PGD: variants seen among roughly 807,000 people sequenced by gnomAD.
PGD encodes 6-phosphogluconate dehydrogenase, decarboxylating.
PGD carries 21 observed loss-of-function variants against 60.4 expected under a neutral mutation model. The ratio of observed to expected loss-of-function variants is 0.35; its 90% CI spans 0.25 to 0.50. The LOEUF (loss-of-function observed/expected upper bound fraction) is 0.50. Among genes scored for constraint, PGD ranks in the 20% least tolerant of loss-of-function variants. PGD has a pLI of 0.98. For missense variants in PGD, 477 were observed against 613.1 expected, an observed-to-expected ratio of 0.78 and a Z score of 2.34; for synonymous variants, 230 against 235.9, an observed-to-expected ratio of 0.97 and a Z score of 0.23.
At position 10,416,983 on chromosome 1, in the gene PGD, G is replaced by A. The variant is rs758438744; in HGVS notation, c.845-4G>A. On this transcript the variant is annotated splice_region_variant and splice_polypyrimidine_tract_variant and intron_variant, in intron 8 of 12. Transcript: ENST00000270776. ...TGTTTCCTCTTCCCGATCTCCCCAT[G>A]TAGGAGAAGCTGTCTTTGCTCGGTG... 6.2e-6 allele frequency: 10 copies of A among 1,612,948 alleles called. No homozygotes were observed. The highest frequency in any genetic ancestry group is 8.5e-6 in the Non-Finnish European group (10 of 1,179,160).
In PGD at chr1:10,405,336, A is replaced by G. The variant is rs189325037; in HGVS notation, c.449+1057A>G. On this transcript the variant is annotated intron_variant, in intron 5 of 12. Transcript: ENST00000270776. ...TAGTGAGCCGAGATCGCGCCACTGC[A>G]CTTCACCCTGGCGACAGAGTGAGAG... is the stretch of plus-strand genomic sequence containing the variant. Among the ~76,000 whole-genome samples, 335 of 151,838 alleles carry G rather than the reference A, an allele frequency of 2.2e-3. 1 individual carries two copies. The highest frequency in any genetic ancestry group is 7.7e-3 in the African/African-American group (321 of 41,450).
chr1:10,408,817 C>A (rs1485262909), intron 6 of PGD, among the ~76,000 whole-genome samples: 3 of 152,218 alleles, frequency 2.0e-5, no homozygotes. Flanking sequence ...CCATGTCACC[C>A]AGGCTGGTCT....
chr1:10,400,580 C>T lies in PGD; in HGVS notation c.264+8C>T. 4 of 1,606,736 alleles carry T rather than the reference C, an allele frequency of 2.5e-6. No individual in the cohort carries two copies. The South Asian group carries it at 4.4e-5, about 18-fold the overall frequency. On this transcript the variant is annotated splice_region_variant and intron_variant, in intron 3 of 12. Coordinates refer to ENST00000270776, the MANE Select transcript of PGD (RefSeq NM_002631.4). ...GATTTCATCGAGAAATTGGTGAGGC[C>T]AGCTGTGCTCTCAGCTGCTACCACG...
intron 1 of PGD, 121 bp from the exon 2 acceptor site, chr1:10,399,508 G>T (rs1639274087): frequency 2.2e-6 from 2 of 903,594 alleles, no homozygotes; most frequent in Non-Finnish European, 1.7e-6. Flanking sequence ...GGGGGCCCGC[G>T]GGAGGCGCGG....
At chr1:10,404,533 T>G (rs1639368136) in intron 5 of PGD, among the ~76,000 whole-genome samples, 1 of 152,088 alleles carries the variant, frequency 6.6e-6, no homozygotes, top group Non-Finnish European at 1.5e-5. Flanking sequence ...TTTTTTTTTT[T>G]TTCCCGCCCA....
chr1:10,400,048 C>T (rs1639289513), intron 2 of PGD: 1 of 449,664 alleles, frequency 2.2e-6, no homozygotes, highest in Non-Finnish European at 4.1e-6. Flanking sequence ...GAAAATGTTT[C>T]TTCTAAATGT....
At chr1:10,413,393 G>C (rs1639533277) in intron 8 of PGD, 142 bp downstream of exon 8, 1 of 653,144 alleles carries the variant, frequency 1.5e-6, no homozygotes, top group South Asian at 2.1e-5. Context: ...TTGCGTTGAA[G>C]AAACTGACAG....
chr1:10,407,778 T>G (rs1181885745), intron 5 of PGD, among the ~76,000 whole-genome samples: 1 of 151,850 alleles, frequency 6.6e-6, no homozygotes, highest in African/African-American at 2.4e-5. Context: ...AAACCCCATC[T>G]CTACAAAATC....
chr1:10,399,382 C>T, intron 1 of PGD: 2 of 513,340 alleles, frequency 3.9e-6, no homozygotes, highest in Admixed American at 4.2e-5. Context: ...CGCGGCCAGG[C>T]CTCGCCGAGT....
intron 6 of PGD, 140 bp from the exon 7 acceptor site, chr1:10,411,278 A>G: frequency 1.2e-6 from 1 of 814,788 alleles, no homozygotes. Context: ...TGTATCAAAA[A>G]TGCTGTACTC....
At chr1:10,417,241 G>C (rs1639611891) in intron 9 of PGD, 124 bp downstream of exon 9, 3 of 1,440,314 alleles carry the variant, frequency 2.1e-6, no homozygotes, top group Admixed American at 3.9e-5. Context: ...GCCTTGACTT[G>C]GATCTTGACT....
At position 10,399,140 on chromosome 1, in the gene PGD, A is replaced by G; in HGVS notation, c.8+15A>G. The G allele has an allele frequency of 6.2e-7, 1 of 1,608,646 alleles. No homozygotes were observed. Among genetic ancestry groups the G allele is most frequent in the East Asian group, 2.2e-5 (1 of 44,836 alleles). On this transcript the variant is annotated intron_variant, in intron 1 of 12. Transcript: ENST00000270776. ...GCCATGGCCCAGTGAGTGACTCGCCAGGGGCAGCCCGGCTCGGCCTCAGCG... is the reference window on the plus strand; with the variant it reads ...GCCATGGCCCAGTGAGTGACTCGCCGGGGGCAGCCCGGCTCGGCCTCAGCG...
At chr1:10,407,518 G>A (rs1465259120) in intron 5 of PGD, among the ~76,000 whole-genome samples, 4 of 152,128 alleles carry the variant, frequency 2.6e-5, no homozygotes, top group Non-Finnish European at 4.4e-5. Context: ...GTCTCAGTCC[G>A]ATAGTCCAGT....
At chr1:10,405,085 T>C (rs1639377727) in intron 5 of PGD, among the ~76,000 whole-genome samples, 1 of 152,078 alleles carries the variant, frequency 6.6e-6, no homozygotes, top group Non-Finnish European at 1.5e-5. Context: ...AATTAAAAAA[T>C]ATAAATTGGC....
At chr1:10,418,585 G>T (rs564737952) in intron 10 of PGD, among the ~76,000 whole-genome samples, 43 of 152,112 alleles carry the variant, frequency 2.8e-4, no homozygotes, top group Non-Finnish European at 5.4e-4. Context: ...GACCATCCTG[G>T]CTAACACGGT....
intron 5 of PGD, among the ~76,000 whole-genome samples, chr1:10,404,585 C>T (rs904267767): frequency 1.3e-5 from 2 of 151,966 alleles, no homozygotes; most frequent in Non-Finnish European, 2.9e-5. Flanking sequence ...CTGCACCCCC[C>T]GTCTCCTGGG....
At chr1:10,402,669 G>A (rs1226671313) in intron 3 of PGD, among the ~76,000 whole-genome samples, 6 of 151,828 alleles carry the variant, frequency 4.0e-5, no homozygotes, top group Non-Finnish European at 5.9e-5. Context: ...ACTACAAGGC[G>A]CCTGCCACAA....
At chr1:10,406,734 C>T in intron 5 of PGD, among the ~76,000 whole-genome samples, 1 of 152,282 alleles carries the variant, frequency 6.6e-6, no homozygotes, top group South Asian at 2.1e-4. Context: ...GAGGGAAAGT[C>T]TCAAGAGTAA....
At position 10,405,425 on chromosome 1, in the gene PGD, C is replaced by CACACACACACACATAT. The variant is rs548786254; in HGVS notation, c.449+1147_449+1148insCACACACACACATATA. ...ATACACACACACACACACACACACA[C>CACACACACACACATAT]ATATATATAAATAATTGTGGGCAAT... On this transcript the variant is annotated intron_variant, in intron 5 of 12. Transcript: ENST00000270776. 1.5e-4 allele frequency among the ~76,000 whole-genome samples: 23 copies of CACACACACACACATAT among 149,572 alleles called. No individual in the cohort carries two copies. In the South Asian group the frequency reaches 1.7e-3, roughly 11 times the overall value.
Sources: gnomAD v4.1 joint callset for allele counts (sites outside exome capture counted in the v4.1 genomes callset) on GRCh38, gnomAD v4.1.1 for gene constraint, MANE v1.5 for transcripts, NCBI Gene and HGNC (gene_info 2026-07-23, HGNC 2026-07-21) for gene names.